Variants in MYH15 observed in about 807,000 individuals in gnomAD.
MYH15 encodes myosin heavy chain 15.
In MYH15, 227 loss-of-function variants were observed where a neutral mutation model predicts 240.5. The observed-to-expected ratio is 0.94, with a 90% CI of 0.85 to 1.05. MYH15 has a LOEUF of 1.05. MYH15 is among the 50% of genes least tolerant of loss of function. The pLI, the probability that MYH15 is intolerant of heterozygous loss-of-function variation, is 0.00. For synonymous variants in MYH15, 785 were observed against 796.7 expected, an observed-to-expected ratio of 0.99 and a Z score of 0.25; for missense variants, 2,217 against 2,247.5, an observed-to-expected ratio of 0.99 and a Z score of 0.27.
rs1284039673 is a variant in MYH15 at position 108,391,786 on chromosome 3, T to G, written c.5404A>C (p.Lys1802Gln). Residue 1802 changes from lysine (K) to glutamine (Q), a missense_variant, in exon 37 of 41, where the codon AAG becomes CAG. Physicochemically the swap from Lys to Gln is moderately conservative, Grantham distance 53 (BLOSUM62 1). Transcript: ENST00000693548. ...AEQMALMGSR[K>Q]QIQKLESRVR... ...CTGGATTCTAGTTTCTGGATTTGCTTTCTACTCCCCATCAGGGCCATCTGT... is the reference window on the plus strand; with the variant it reads ...CTGGATTCTAGTTTCTGGATTTGCTGTCTACTCCCCATCAGGGCCATCTGT... The G allele has an allele frequency of 1.2e-6, 2 of 1,614,010 alleles. No individual in the cohort carries two copies. The highest frequency in any genetic ancestry group is 1.7e-6 in the Non-Finnish European group (2 of 1,179,952).
At chr3:108,536,269 AAAC>A in the MYH15 span, among the ~76,000 whole-genome samples, 1 of 152,016 alleles carries the variant, frequency 6.6e-6, no homozygotes, top group Admixed American at 6.5e-5. Flanking sequence ...TACCTCAAAA[AAAC>A]AAAACAAAAC....
At chr3:108,390,282 TTG>T (rs1308904003) in intron 37 of MYH15, among the ~76,000 whole-genome samples, 1 of 152,184 alleles carries the variant, frequency 6.6e-6, no homozygotes, top group African/African-American at 2.4e-5. Flanking sequence ...GGTATCATGG[TTG>T]TGTCTTTAAG....
rs553761204 is a variant in MYH15, at chr3:108,408,420, A to G, written c.4496-16T>C. Reference sequence around the variant, plus strand: ...GAAATCTCTTCTGGAGACAGAGGTAAGAAAAACAAAGTTAGTGAATGGGCT... The same window carrying G: ...GAAATCTCTTCTGGAGACAGAGGTAGGAAAAACAAAGTTAGTGAATGGGCT... On this transcript the variant is annotated splice_polypyrimidine_tract_variant and intron_variant, in intron 31 of 40. Transcript: ENST00000693548. The G allele has an allele frequency of 1.3e-6, 2 of 1,599,320 alleles. No homozygotes were observed. The highest frequency in any genetic ancestry group is 2.7e-5 in the African/African-American group (2 of 74,204).
intron 21 of MYH15, among the ~76,000 whole-genome samples, chr3:108,448,105 CA>C (rs1286019084): frequency 6.6e-6 from 1 of 151,594 alleles, no homozygotes; most frequent in Admixed American, 6.6e-5. Flanking sequence ...ATAGTAACCA[CA>C]AAGAAAAAAC....
intron 35 of MYH15, among the ~76,000 whole-genome samples, chr3:108,397,054 T>TAGC (rs2082467367): frequency 6.6e-6 from 1 of 152,216 alleles, no homozygotes; most frequent in Non-Finnish European, 1.5e-5. Context: ...CCCCAGAGTG[T>TAGC]AGCAGTTCTG....
intron 25 of MYH15, among the ~76,000 whole-genome samples, chr3:108,432,911 A>G (rs2082791692): frequency 6.6e-6 from 1 of 152,198 alleles, no homozygotes; most frequent in Non-Finnish European, 1.5e-5. Flanking sequence ...GCAGTGTGGA[A>G]GGGAAATGTG....
chr3:108,388,121 G>T (rs2082397280), intron 38 of MYH15, among the ~76,000 whole-genome samples: 1 of 152,062 alleles, frequency 6.6e-6, no homozygotes, highest in Non-Finnish European at 1.5e-5. Context: ...ATAGCTTACT[G>T]TCCAGTGTGA....
Position 108,388,874 on chromosome 3 carries a change from C to T in MYH15, c.5535+96G>A, listed in dbSNP as rs57495211. ...AAGGAGAACAAAGATGAAGAGAGAA[C>T]GGCAGGAGTCCCAGAAGGCCATTTC... On this transcript the variant is annotated intron_variant, in intron 38 of 40. Transcript: ENST00000693548. 408 of 954,296 alleles carry T rather than the reference C, an allele frequency of 4.3e-4. No individual in the cohort carries two copies. In the African/African-American group the frequency reaches 5.9e-3, roughly 14 times the overall value. 59.1% of individuals were successfully genotyped at this position (954,296 alleles called of 1,614,324 possible). A position where few individuals can be genotyped will look rare whatever the true frequency, so the allele number is the denominator to read the frequency against.
At chr3:108,494,176 T>C (rs1438137697) in intron 7 of MYH15, among the ~76,000 whole-genome samples, 1 of 152,218 alleles carries the variant, frequency 6.6e-6, no homozygotes, top group Non-Finnish European at 1.5e-5. Context: ...TGAGTGGCTC[T>C]GTACAGGGGG....
Position 108,381,289 on chromosome 3 carries a change from A to G in MYH15, c.*256T>C. 1 of 549,216 alleles carries G rather than the reference A, an allele frequency of 1.8e-6. No individual in the cohort carries two copies. Among genetic ancestry groups the G allele is most frequent in the Non-Finnish European group, 3.2e-6 (1 of 308,350 alleles). 34.0% of individuals were successfully genotyped at this position (549,216 alleles called of 1,614,324 possible). ...CATTTTTTAAACATCAGAATTGAAA[A>G]GGTTCTTCCATTTATTTAATCTGTC... On this transcript the variant is annotated 3_prime_UTR_variant, in exon 41 of 41. Coordinates refer to ENST00000693548, the MANE Select transcript of MYH15 (RefSeq NM_014981.3).
chr3:108,547,620 G>T, the MYH15 span, among the ~76,000 whole-genome samples: 1 of 151,942 alleles, frequency 6.6e-6, no homozygotes, highest in East Asian at 1.9e-4. Flanking sequence ...GTAAGAATAT[G>T]CAAAAAAAGT....
intron 12 of MYH15, among the ~76,000 whole-genome samples, chr3:108,473,293 G>A (rs2083192863): frequency 6.6e-6 from 1 of 152,210 alleles, no homozygotes. Flanking sequence ...ATGGGCGTGA[G>A]CCACCGTGCC....
At chr3:108,516,882 T>C (rs2083576875) in intron 1 of MYH15, among the ~76,000 whole-genome samples, 1 of 152,210 alleles carries the variant, frequency 6.6e-6, no homozygotes, top group African/African-American at 2.4e-5. Flanking sequence ...ATTACAGCTA[T>C]AGGTCTCCAG....
chr3:108,537,039 C>T, the MYH15 span, among the ~76,000 whole-genome samples: 3 of 152,310 alleles, frequency 2.0e-5, no homozygotes, highest in Middle Eastern at 3.4e-3. Flanking sequence ...AGTGCTCTCT[C>T]CCTGCAATTG....
At chr3:108,550,839 T>C in the MYH15 span, 2 of 164,114 alleles carry the variant, frequency 1.2e-5, no homozygotes, top group Admixed American at 1.3e-4. Context: ...CAAAACAGAA[T>C]AGAAAGCAAC....
intron 25 of MYH15, among the ~76,000 whole-genome samples, chr3:108,431,298 T>C (rs1333477936): frequency 1.3e-5 from 2 of 152,266 alleles, no homozygotes; most frequent in African/African-American, 2.4e-5. Flanking sequence ...TTTGGCTGTG[T>C]CCACCCGAAT....
intron 25 of MYH15, among the ~76,000 whole-genome samples, chr3:108,431,429 G>A (rs951929004): frequency 3.9e-5 from 6 of 152,312 alleles, no homozygotes; most frequent in East Asian, 1.9e-4. Context: ...AAGATCTAAC[G>A]TTTTATAAAG....
chr3:108,387,114 C>A (rs1045234919), intron 38 of MYH15, among the ~76,000 whole-genome samples: 5 of 152,150 alleles, frequency 3.3e-5, no homozygotes, highest in African/African-American at 1.2e-4. Context: ...TGACTCCTTT[C>A]CAGTAGCAGA....
intron 31 of MYH15, 77 bp downstream of exon 31, chr3:108,410,506 A>T: frequency 9.8e-7 from 1 of 1,018,434 alleles, no homozygotes; most frequent in Non-Finnish European, 1.4e-6. Flanking sequence ...GAAAATGCTG[A>T]AGACAGCCTT....
Sources: allele counts gnomAD v4.1 joint callset (sites outside exome capture counted in the v4.1 genomes callset), GRCh38; gene constraint gnomAD v4.1.1; transcripts MANE v1.5; gene names NCBI Gene and HGNC (gene_info 2026-07-23, HGNC 2026-07-21).